Variants in SMN2 observed in about 807,000 individuals in gnomAD.
SMN2 encodes survival motor neuron protein.
In SMN2, 1 loss-of-function variant was observed where a neutral mutation model predicts 2.8. That is an observed-to-expected ratio of 0.35 (90% confidence interval 0.13 to 1.68). SMN2 has a LOEUF of 1.68. SMN2 is among the 40% of genes most tolerant of loss of function. The probability of loss-of-function intolerance (pLI) is 0.35; values close to 1 mark genes in which losing one functional copy is unlikely to be tolerated. For synonymous variants in SMN2, 5 were observed against 5.0 expected, an observed-to-expected ratio of 0.99 and a Z score of 0.01; for missense variants, 12 against 16.9, an observed-to-expected ratio of 0.71 and a Z score of 0.51.
chr5:70,076,555 C>G lies in SMN2; in HGVS notation c.869C>G (p.Ser290Ter), dbSNP rs200653528. 1.2e-4 allele frequency: 177 copies of G among 1,463,808 alleles called. 61 individuals carry two copies. The African/African-American group carries it at 2.6e-3, about 22-fold the overall frequency. 90.7% of individuals were successfully genotyped at this position (1,463,808 alleles called of 1,614,324 possible). A position where few individuals can be genotyped will look rare whatever the true frequency, so the allele number is the denominator to read the frequency against. ...CAAAATCAAAAAGAAGGAAGGTGCT[C>G]ACATTCCTTAAATTAAGGAGTAAGT... ...FRQNQKEGRC[S>*]HSLN The change falls in exon 8 of 9, where the codon TCA becomes TGA. Residue 290 changes from serine to a stop codon, truncating the protein, a stop_gained. Coordinates refer to ENST00000380743, the MANE Select transcript of SMN2 (RefSeq NM_017411.4). LOFTEE classifies it high-confidence loss of function.
chr5:70,052,211 G>A (rs1370691593), intron 1 of SMN2, among the ~76,000 whole-genome samples: 4 of 140,838 alleles, frequency 2.8e-5, no homozygotes, highest in South Asian at 2.3e-4. Context: ...AAAAAGAAAG[G>A]AAGTGAGGAT....
downstream of SMN2, among the ~76,000 whole-genome samples, chr5:70,081,940 G>C (rs1201951278): frequency 2.0e-5 from 2 of 101,072 alleles, no homozygotes; most frequent in South Asian, 3.3e-4. Context: ...TGTCTTGTGC[G>C]TGTTTTCAAA....
At chr5:70,083,540 T>C in the SMN2 span, among the ~76,000 whole-genome samples, 1 of 136,136 alleles carries the variant, frequency 7.3e-6, no homozygotes, top group Admixed American at 7.3e-5. Context: ...TAGCAAAGAC[T>C]TGGAACCAAC....
intron 7 of SMN2, among the ~76,000 whole-genome samples, chr5:70,074,765 G>A (rs2112486465): frequency 7.7e-6 from 1 of 130,132 alleles, no homozygotes; most frequent in African/African-American, 3.1e-5. Context: ...GGCCAAGGCA[G>A]GCGAATCACC....
downstream of SMN2, among the ~76,000 whole-genome samples, chr5:70,081,990 G>A (rs1774862609): frequency 2.4e-5 from 3 of 124,360 alleles, 1 homozygote; most frequent in Admixed American, 2.5e-4. Context: ...TATGATATTG[G>A]CTGTGGGTTT....
At position 70,075,590 on chromosome 5, in the gene SMN2, C is replaced by T. The variant is rs184075665; in HGVS notation, c.835-931C>T. Reference sequence around the variant, plus strand: ...TCTCCAAATCCGACCTCAGGTGATCCGCCCGCCTTGGCCTCCAAAAGTGCA... The same window carrying T: ...TCTCCAAATCCGACCTCAGGTGATCTGCCCGCCTTGGCCTCCAAAAGTGCA... On this transcript the variant is annotated intron_variant, in intron 7 of 8. Transcript: ENST00000380743. Among the ~76,000 whole-genome samples, 98 of 120,244 alleles carry T rather than the reference C, an allele frequency of 8.2e-4. 17 individuals carry two copies. The East Asian group carries it at 0.02, about 24-fold the overall frequency. The allele number at this position is 120,244 out of a possible 152,430, so 78.9% of individuals were successfully genotyped here. A position where few individuals can be genotyped will look rare whatever the true frequency, so the allele number is the denominator to read the frequency against.
chr5:70,079,745 T>C (rs1306602335), downstream of SMN2, among the ~76,000 whole-genome samples: 4 of 126,248 alleles, frequency 3.2e-5, no homozygotes, highest in South Asian at 9.9e-4. Context: ...GGCAACAGAC[T>C]GAGACCCTGT....
chr5:70,052,230 C>T (rs1407758167), intron 1 of SMN2, among the ~76,000 whole-genome samples: 1 of 134,830 alleles, frequency 7.4e-6, no homozygotes, highest in East Asian at 2.1e-4. Context: ...ATTTTAAGAC[C>T]CTGAGAGACA....
rs1316399741 is a variant in SMN2 at position 70,076,075 on chromosome 5, G to A, written c.835-446G>A. On this transcript the variant is annotated intron_variant, in intron 7 of 8. Coordinates refer to ENST00000380743, the MANE Select transcript of SMN2 (RefSeq NM_017411.4). ...TTGCCATGTTGGCCAGGCTGTTCTC[G>A]AACTCCTGAGCTCAGGTGATCCAAC... Among the ~76,000 whole-genome samples, 2 of 123,096 alleles carry A rather than the reference G, an allele frequency of 1.6e-5. 1 individual carries two copies. Among genetic ancestry groups the A allele is most frequent in the Non-Finnish European group, 3.3e-5 (2 of 60,102 alleles). The allele number at this position is 123,096 out of a possible 152,430, so 80.8% of individuals were successfully genotyped here. A position where few individuals can be genotyped will look rare whatever the true frequency, so the allele number is the denominator to read the frequency against.
intron 7 of SMN2, chr5:70,071,516 ATTTT>A (rs1350107358): frequency 1.2e-5 from 1 of 86,536 alleles, no homozygotes; most frequent in African/African-American, 5.2e-5. Flanking sequence ...ATTTTATTTT[ATTTT>A]TTTTTTTTTT....
At chr5:70,081,941 T>TCA (rs1273489314), downstream of SMN2, among the ~76,000 whole-genome samples, 2 of 102,096 alleles carry the variant, frequency 2.0e-5, no homozygotes, top group African/African-American at 9.7e-5. Context: ...GTCTTGTGCG[T>TCA]GTTTTCAAAG....
downstream of SMN2, among the ~76,000 whole-genome samples, chr5:70,079,431 C>CA (rs58866189): frequency 0.12 from 11,941 of 102,030 alleles, 108 homozygotes; most frequent in East Asian, 0.18. Flanking sequence ...GACTCCGTCT[C>CA]AAAAAAAAAA....
chr5:70,080,989 GT>G (rs1184660556), downstream of SMN2, among the ~76,000 whole-genome samples: 2 of 105,082 alleles, frequency 1.9e-5, no homozygotes, highest in Non-Finnish European at 3.7e-5. Flanking sequence ...GGTTTTTATG[GT>G]TTTAGGTCTA....
downstream of SMN2, among the ~76,000 whole-genome samples, chr5:70,083,512 T>C (rs1399786052): frequency 1.5e-5 from 2 of 136,022 alleles, no homozygotes; most frequent in Non-Finnish European, 3.1e-5. Flanking sequence ...CGTATGTTTA[T>C]TGCGGCACTA....
At chr5:70,079,392 A>G (rs212211), downstream of SMN2, among the ~76,000 whole-genome samples, 108,857 of 137,130 alleles carry the variant, frequency 0.79, 43,376 homozygotes, top group East Asian at 0.93. Context: ...AGATTGTGCC[A>G]CTGTACTCAA....
At chr5:70,073,139 AAAAG>A (rs1377684112) in intron 7 of SMN2, among the ~76,000 whole-genome samples, 3 of 32,138 alleles carry the variant, frequency 9.3e-5, no homozygotes, top group African/African-American at 3.7e-4. Flanking sequence ...AATAAAATAA[AAAAG>A]AAAGTATACA....
the SMN2 span, among the ~76,000 whole-genome samples, chr5:70,084,528 G>A: frequency 7.3e-6 from 1 of 137,304 alleles, no homozygotes; most frequent in African/African-American, 3.1e-5. Flanking sequence ...ATTGTTTTCA[G>A]TAGAGGTTAT....
intron 5 of SMN2, among the ~76,000 whole-genome samples, chr5:70,068,472 T>C (rs1774525748): frequency 5.3e-5 from 1 of 18,830 alleles, no homozygotes; most frequent in Non-Finnish European, 7.7e-5. Context: ...TTCAAGTGAT[T>C]CTCCTGCTTC....
chr5:70,071,516 ATTTTT>A (rs1350107358), intron 7 of SMN2: 9 of 86,528 alleles, frequency 1.0e-4, no homozygotes, highest in South Asian at 3.5e-4. Flanking sequence ...ATTTTATTTT[ATTTTT>A]TTTTTTTTTT....
Sources: gnomAD v4.1 joint callset for allele counts (sites outside exome capture counted in the v4.1 genomes callset) on GRCh38, gnomAD v4.1.1 for gene constraint, MANE v1.5 for transcripts, NCBI Gene and HGNC (gene_info 2026-07-23, HGNC 2026-07-21) for gene names.